The following SUZ12 variants were observed in gnomAD, a reference collection of about 807,000 sequenced individuals.
SUZ12 encodes the protein polycomb protein SUZ12.
Under a neutral mutation model 87.3 loss-of-function variants are expected in SUZ12, and 17 were observed. The observed-to-expected ratio is 0.19, with a 90% CI of 0.13 to 0.29. The LOEUF (loss-of-function observed/expected upper bound fraction) is 0.29, where lower values mean the gene tolerates loss of function less well. Among genes scored for constraint, SUZ12 ranks in the 10% least tolerant of loss-of-function variants. The pLI is 1.00. For missense variants in SUZ12, 526 were observed against 912.2 expected (o/e 0.58, Z 5.45); for synonymous variants, 253 against 312.4 (o/e 0.81, Z 2.01).
Position 31,999,181 on chromosome 17 carries a change from A to T in SUZ12, c.*178A>T. 2 of 472,156 alleles carry T rather than the reference A, an allele frequency of 4.2e-6. No homozygotes were observed. Among genetic ancestry groups the T allele is most frequent in the South Asian group, 9.4e-5 (2 of 21,272 alleles). The allele number at this position is 472,156 out of a possible 1,614,324, so 29.2% of individuals were successfully genotyped here. A position where few individuals can be genotyped will look rare whatever the true frequency, so the allele number is the denominator to read the frequency against. ...CTACTTCACTTCATTATGCAGCATT[A>T]CATGTATATCACTTTTATTGATGTC... On this transcript the variant is annotated 3_prime_UTR_variant, in exon 16 of 16. Transcript: ENST00000322652.
Position 31,972,643 on chromosome 17 carries a change from G to A in SUZ12, c.506-503G>A, listed in dbSNP as rs150061013. Among the ~76,000 whole-genome samples the A allele has an allele frequency of 7.5e-3, 1,139 of 152,070 alleles. 11 individuals carry two copies. Among genetic ancestry groups the A allele is most frequent in the African/African-American group, 0.026 (1,087 of 41,454 alleles). On this transcript the variant is annotated intron_variant, in intron 5 of 15. Transcript: ENST00000322652. ...TGCGCAGGCTGGTCTTGAACTCTTG[G>A]CCTTAAGTGATATTCTTGCCTTGGC...
At chr17:31,978,390 G>A (rs1681871699) in intron 8 of SUZ12, among the ~76,000 whole-genome samples, 1 of 152,058 alleles carries the variant, frequency 6.6e-6, no homozygotes, top group South Asian at 2.1e-4. Flanking sequence ...TGTATTTTTA[G>A]TAGAGATGAG....
chr17:31,950,520 CA>C (rs1423535440), intron 4 of SUZ12, among the ~76,000 whole-genome samples: 1 of 151,850 alleles, frequency 6.6e-6, no homozygotes, highest in Admixed American at 6.6e-5. Flanking sequence ...CCTTTCTCTA[CA>C]AAAAACACAA....
At chr17:31,947,168 A>G (rs1191902879) in intron 3 of SUZ12, among the ~76,000 whole-genome samples, 1 of 152,216 alleles carries the variant, frequency 6.6e-6, no homozygotes, top group Admixed American at 6.5e-5. Flanking sequence ...TTCAACAGAT[A>G]CTTGAATACC....
chr17:31,973,360 C>T (rs1473663916), intron 6 of SUZ12, 129 bp downstream of exon 6: 2 of 713,802 alleles, frequency 2.8e-6, no homozygotes, highest in Non-Finnish European at 4.4e-6. Flanking sequence ...TGTTGATGGC[C>T]TAATTATAAA....
chr17:31,957,218 G>A (rs1485754063), intron 4 of SUZ12, among the ~76,000 whole-genome samples: 1 of 151,784 alleles, frequency 6.6e-6, no homozygotes, highest in Non-Finnish European at 1.5e-5. Context: ...GATTAGCTGG[G>A]ACTACCTGGC....
intron 4 of SUZ12, among the ~76,000 whole-genome samples, chr17:31,962,582 C>A (rs1206942908): frequency 6.6e-6 from 1 of 152,214 alleles, no homozygotes; most frequent in Non-Finnish European, 1.5e-5. Flanking sequence ...CACAACGAGA[C>A]CCTGTCTGAA....
chr17:31,958,051 T>A (rs1388561418), intron 4 of SUZ12, among the ~76,000 whole-genome samples: 5 of 151,800 alleles, frequency 3.3e-5, no homozygotes, highest in African/African-American at 9.7e-5. Flanking sequence ...TACAGGCGCC[T>A]GCCATCACGC....
chr17:32,000,857 A>G lies in SUZ12; in HGVS notation c.*1854A>G. On this transcript the variant is annotated 3_prime_UTR_variant, in exon 16 of 16. Transcript: ENST00000322652. ...AATCCCTTTGTTTCTATTTATAAAA[A>G]AAGTGCTTTTCTATATGTACCCTTG... The G allele has an allele frequency of 4.5e-6, 1 of 224,412 alleles. No individual in the cohort carries two copies. Among genetic ancestry groups the G allele is most frequent in the East Asian group, 6.6e-5 (1 of 15,104 alleles). 13.9% of individuals were successfully genotyped at this position (224,412 alleles called of 1,614,324 possible).
intron 4 of SUZ12, among the ~76,000 whole-genome samples, chr17:31,956,218 T>C (rs1198385950): frequency 2.6e-5 from 4 of 151,816 alleles, no homozygotes; most frequent in Non-Finnish European, 4.4e-5. Flanking sequence ...CAGCCAGTAT[T>C]ACTATTTTTT....
chr17:31,970,020 C>G (rs1458160289), intron 5 of SUZ12, among the ~76,000 whole-genome samples: 2 of 151,794 alleles, frequency 1.3e-5, no homozygotes, highest in Admixed American at 1.3e-4. Context: ...CGGGCTCAAG[C>G]GATCCTCTCA....
intron 4 of SUZ12, among the ~76,000 whole-genome samples, chr17:31,957,190 C>G (rs1907396086): frequency 6.6e-6 from 1 of 151,748 alleles, no homozygotes; most frequent in Non-Finnish European, 1.5e-5. Flanking sequence ...TGAAGAGATC[C>G]TCTCTCCTCA....
intron 6 of SUZ12, among the ~76,000 whole-genome samples, chr17:31,975,148 G>A (rs2142177873): frequency 6.6e-6 from 1 of 152,048 alleles, no homozygotes; most frequent in Non-Finnish European, 1.5e-5. Flanking sequence ...TTTTGTTGTT[G>A]CTAAAAAGCC....
chr17:31,979,061 G>A (rs954676036), intron 8 of SUZ12, among the ~76,000 whole-genome samples: 1 of 143,242 alleles, frequency 7.0e-6, no homozygotes, highest in African/African-American at 2.6e-5. Flanking sequence ...AGTTGAGATC[G>A]CGCCGCTGCA....
At position 31,975,221 on chromosome 17, in the gene SUZ12, C is replaced by T. The variant is rs1908674244; in HGVS notation, c.592-261C>T. 4.6e-5 allele frequency among the ~76,000 whole-genome samples: 7 copies of T among 152,244 alleles called. No individual in the cohort carries two copies. In the South Asian group the frequency reaches 1.5e-3, roughly 32 times the overall value. Reference sequence around the variant, plus strand: ...TCTAATATACAACTGTTTCAGATCACTGTTAGCTAAATATTAGGTATACTG... The same window carrying T: ...TCTAATATACAACTGTTTCAGATCATTGTTAGCTAAATATTAGGTATACTG... On this transcript the variant is annotated intron_variant, in intron 6 of 15. Coordinates refer to ENST00000322652, the MANE Select transcript of SUZ12 (RefSeq NM_015355.4).
At chr17:31,952,626 G>A (rs1024494145) in intron 4 of SUZ12, among the ~76,000 whole-genome samples, 8 of 152,062 alleles carry the variant, frequency 5.3e-5, no homozygotes, top group African/African-American at 1.9e-4. Context: ...GCAGTAGCGC[G>A]ATCTCGGCTT....
chr17:31,937,025 G>A lies in SUZ12; in HGVS notation c.-222G>A. 1 of 418,374 alleles carries A rather than the reference G, an allele frequency of 2.4e-6. No homozygotes were observed. Among genetic ancestry groups the A allele is most frequent in the African/African-American group, 2.1e-5 (1 of 48,502 alleles). 25.9% of individuals were successfully genotyped at this position (418,374 alleles called of 1,614,324 possible). ...AGTGGGCGGAGCGAGGCCAGGGTAG[G>A]GTGAGCGGCCTCCGAAGCGGAGCGG... is the stretch of plus-strand genomic sequence containing the variant. On this transcript the variant is annotated 5_prime_UTR_variant, in exon 1 of 16. Transcript: ENST00000322652.
intron 9 of SUZ12, among the ~76,000 whole-genome samples, chr17:31,984,555 A>G (rs1909298888): frequency 6.6e-6 from 1 of 152,254 alleles, no homozygotes; most frequent in South Asian, 2.1e-4. Context: ...GTTACAAACA[A>G]ATTATGGAAT....
At chr17:31,977,856 T>C (rs1908853022) in intron 8 of SUZ12, among the ~76,000 whole-genome samples, 1 of 152,042 alleles carries the variant, frequency 6.6e-6, no homozygotes, top group Non-Finnish European at 1.5e-5. Context: ...ACCACTGCAC[T>C]CCATCCTGGG....
Sources: allele counts gnomAD v4.1 joint callset (sites outside exome capture counted in the v4.1 genomes callset), GRCh38; gene constraint gnomAD v4.1.1; transcripts MANE v1.5; gene names NCBI Gene and HGNC (gene_info 2026-07-23, HGNC 2026-07-21).